The following SLC35B4 variants were observed in gnomAD, a reference collection of about 807,000 sequenced individuals.
The protein encoded by SLC35B4 is solute carrier family 35 member B4, also known as nucleotide sugar transporter SLC35B4.
In SLC35B4, 28 loss-of-function variants were observed where a neutral mutation model predicts 39.5. The ratio of observed to expected loss-of-function variants is 0.71; its 90% CI spans 0.53 to 0.97. The LOEUF is 0.97. Among genes scored for constraint, SLC35B4 ranks in the 50% least tolerant of loss-of-function variants. The probability of loss-of-function intolerance (pLI) is 0.00; values close to 1 mark genes in which losing one functional copy is unlikely to be tolerated. For missense variants in SLC35B4, 334 were observed against 414.3 expected (o/e 0.81, Z 1.68); for synonymous variants, 145 against 150.4 (o/e 0.96, Z 0.26).
chr7:134,306,809 T>C, intron 2 of SLC35B4, 35 bp from the exon 3 acceptor site: 1 of 1,527,314 alleles, frequency 6.5e-7, no homozygotes, highest in Non-Finnish European at 9.0e-7. Flanking sequence ...TCAAACAGAA[T>C]CTAGGATTTC....
At chr7:134,317,996 G>A (rs1196717066), upstream of SLC35B4, among the ~76,000 whole-genome samples, 14 of 152,264 alleles carry the variant, frequency 9.2e-5, no homozygotes, top group East Asian at 2.5e-3. Flanking sequence ...AAAGTACACG[G>A]TACAAAGCTA....
intron 6 of SLC35B4, among the ~76,000 whole-genome samples, chr7:134,301,118 A>G (rs1030878428): frequency 6.6e-6 from 1 of 152,234 alleles, no homozygotes; most frequent in African/African-American, 2.4e-5. Context: ...GCCAAGAAGC[A>G]AGGAGAACAC....
upstream of SLC35B4, chr7:134,317,059 G>A (rs915419302): frequency 1.1e-5 from 4 of 357,176 alleles, no homozygotes; most frequent in South Asian, 8.6e-5. Context: ...CCGCCAGGCA[G>A]CTCCGCCAGA....
intron 5 of SLC35B4, 100 bp downstream of exon 5, chr7:134,301,928 CA>C: frequency 2.6e-6 from 4 of 1,518,340 alleles, no homozygotes; most frequent in Non-Finnish European, 3.6e-6. Flanking sequence ...TCTTCTCTTT[CA>C]AAATCTTTGT....
chr7:134,318,329 T>G (rs972463623), upstream of SLC35B4, among the ~76,000 whole-genome samples: 1 of 152,206 alleles, frequency 6.6e-6, no homozygotes, highest in African/African-American at 2.4e-5. Context: ...CTAACATAAA[T>G]AGAAAGCCTA....
At position 134,304,821 on chromosome 7, in the gene SLC35B4, T is replaced by TA; in HGVS notation, c.327dup (p.Ile110TyrfsTer41). Reference sequence around the variant, plus strand: ...ATTGTTTACCTTTTCTTCAAAATGATAATTCCTAGAATCATGTTGGCAATT... The same window carrying TA: ...ATTGTTTACCTTTTCTTCAAAATGATAAATTCCTAGAATCATGTTGGCAATT... On this transcript the variant is annotated frameshift_variant, in exon 4 of 10. Transcript: ENST00000378509. LOFTEE classifies it high-confidence loss of function. 1 of 1,612,136 alleles carries TA rather than the reference T, an allele frequency of 6.2e-7. No homozygotes were observed. Among genetic ancestry groups the TA allele is most frequent in the Non-Finnish European group, 8.5e-7 (1 of 1,178,216 alleles).
intron 1 of SLC35B4, among the ~76,000 whole-genome samples, chr7:134,315,995 T>A (rs956833654): frequency 1.1e-4 from 17 of 151,680 alleles, no homozygotes; most frequent in African/African-American, 4.1e-4. Flanking sequence ...CTACTTGCTT[T>A]TTTTTTTGTC....
chr7:134,319,858 G>A (rs567700385), upstream of SLC35B4, among the ~76,000 whole-genome samples: 5 of 151,952 alleles, frequency 3.3e-5, no homozygotes, highest in East Asian at 3.9e-4. Flanking sequence ...ATATCCCATC[G>A]GTTCCACCTC....
intron 4 of SLC35B4, 26 bp downstream of exon 4, chr7:134,304,779 A>G: frequency 6.4e-7 from 1 of 1,566,678 alleles, no homozygotes; most frequent in Non-Finnish European, 8.8e-7. Flanking sequence ...ATTTCCATAC[A>G]CAAAATACAG....
At chr7:134,316,598 C>T in intron 1 of SLC35B4, 77 bp downstream of exon 1, 2 of 1,453,004 alleles carry the variant, frequency 1.4e-6, no homozygotes, top group Non-Finnish European at 1.9e-6. Flanking sequence ...GGCGTGGGCG[C>T]GTCCCGGGGG....
At chr7:134,318,773 GTGAT>G (rs1158719538), upstream of SLC35B4, among the ~76,000 whole-genome samples, 1 of 152,170 alleles carries the variant, frequency 6.6e-6, no homozygotes, top group Non-Finnish European at 1.5e-5. Context: ...GCATGTCTAA[GTGAT>G]TGCACAAGAA....
chr7:134,296,383 A>C lies in SLC35B4; in HGVS notation c.749+8T>G. ...GACATAAGGGTGACGGCACAGTCCA[A>C]AGGATACTGAGTGATGATGTTCATG... On this transcript the variant is annotated splice_region_variant and intron_variant, in intron 9 of 9. Coordinates refer to ENST00000378509, the MANE Select transcript of SLC35B4 (RefSeq NM_032826.5). 6.2e-7 allele frequency: 1 copy of C among 1,612,544 alleles called. No individual in the cohort carries two copies. The highest frequency in any genetic ancestry group is 2.2e-5 in the East Asian group (1 of 44,870).
intron 8 of SLC35B4, among the ~76,000 whole-genome samples, chr7:134,298,858 T>C (rs1803522250): frequency 6.6e-6 from 1 of 152,218 alleles, no homozygotes; most frequent in Non-Finnish European, 1.5e-5. Flanking sequence ...TTTAAAAACG[T>C]TTATTTGTTC....
intron 1 of SLC35B4, 23 bp downstream of exon 1, chr7:134,316,652 T>A: frequency 6.5e-7 from 1 of 1,548,052 alleles, no homozygotes. Context: ...GGAGACCGGG[T>A]GCGGCCCGAG....
intron 8 of SLC35B4, 110 bp downstream of exon 8, chr7:134,299,413 A>G: frequency 1.3e-6 from 1 of 776,372 alleles, no homozygotes. Flanking sequence ...TTCGAAAGGA[A>G]CACATGATTT....
In SLC35B4 at chr7:134,295,151, G is replaced by A. The variant is rs149833769; in HGVS notation, c.750-72C>T. On this transcript the variant is annotated intron_variant, in intron 9 of 9. Coordinates refer to ENST00000378509, the MANE Select transcript of SLC35B4 (RefSeq NM_032826.5). ...GATCAGTGAGAGAACCTTCTGGCAT[G>A]GTCCCTGGTTTAACTTCTCATATTC... is the stretch of plus-strand genomic sequence containing the variant. 32 of 1,558,738 alleles carry A rather than the reference G, an allele frequency of 2.1e-5. No individual in the cohort carries two copies. The East Asian group carries it at 6.8e-4, about 33-fold the overall frequency.
rs1379321795 is a variant in SLC35B4 at position 134,294,830 on chromosome 7, G to C, written c.*3C>G. On this transcript the variant is annotated 3_prime_UTR_variant, in exon 10 of 10. Transcript: ENST00000378509. ...ACACTGGTCTACGTACTCCAGACAG[G>C]CCTCAGTTCTTCTTGCTGTCCTTCT... The C allele has an allele frequency of 6.2e-7, 1 of 1,613,876 alleles. No homozygotes were observed. The highest frequency in any genetic ancestry group is 8.5e-7 in the Non-Finnish European group (1 of 1,179,946).
chr7:134,296,775 G>GA (rs1293260777), intron 8 of SLC35B4, among the ~76,000 whole-genome samples: 5 of 152,202 alleles, frequency 3.3e-5, no homozygotes, highest in African/African-American at 1.2e-4. Flanking sequence ...ATGATAAAAT[G>GA]ATATAGACAG....
chr7:134,313,961 G>T (rs1265994118), intron 1 of SLC35B4, among the ~76,000 whole-genome samples: 1 of 152,060 alleles, frequency 6.6e-6, no homozygotes, highest in Non-Finnish European at 1.5e-5. Context: ...GTGCACCACT[G>T]ATTATTTTAA....
Sources: allele counts gnomAD v4.1 joint callset (sites outside exome capture counted in the v4.1 genomes callset), GRCh38; gene constraint gnomAD v4.1.1; transcripts MANE v1.5; gene names NCBI Gene and HGNC (gene_info 2026-07-23, HGNC 2026-07-21).